Variants in KDM4C observed in about 807,000 individuals in gnomAD.
KDM4C encodes lysine-specific demethylase 4C.
In KDM4C, 81 loss-of-function variants were observed where a neutral mutation model predicts 129.3. The observed-to-expected ratio is 0.63, with a 90% CI of 0.52 to 0.75. The LOEUF (loss-of-function observed/expected upper bound fraction) is 0.75. Among genes scored for constraint, KDM4C ranks in the 30% least tolerant of loss-of-function variants. The probability of loss-of-function intolerance (pLI) is 0.00; values close to 1 mark genes in which losing one functional copy is unlikely to be tolerated. For synonymous variants in KDM4C, 573 were observed against 456.1 expected (o/e 1.26, Z -3.26); for missense variants, 1,457 against 1,304.0 (o/e 1.12, Z -1.81).
chr9:6,816,270 G>A (rs1401199085), intron 4 of KDM4C, among the ~76,000 whole-genome samples: 2 of 152,102 alleles, frequency 1.3e-5, no homozygotes, highest in Admixed American at 1.3e-4. Flanking sequence ...AAACAAGCTA[G>A]AAAGTGCATA....
chr9:6,835,930 G>T (rs1368874133), intron 4 of KDM4C, among the ~76,000 whole-genome samples: 3 of 152,158 alleles, frequency 2.0e-5, no homozygotes, highest in Admixed American at 2.0e-4. Flanking sequence ...GTCCTCCTCC[G>T]AGTCCACATA....
At chr9:6,967,763 A>C (rs1033611663) in intron 8 of KDM4C, among the ~76,000 whole-genome samples, 4 of 152,218 alleles carry the variant, frequency 2.6e-5, no homozygotes, top group African/African-American at 9.6e-5. Flanking sequence ...AGTTCAGAAG[A>C]TCCGGGATGA....
chr9:6,866,160 C>T (rs935432157), intron 5 of KDM4C, among the ~76,000 whole-genome samples: 9 of 151,872 alleles, frequency 5.9e-5, no homozygotes, highest in South Asian at 2.1e-4. Flanking sequence ...GCTGGGACTA[C>T]AGGCATGAGC....
At chr9:7,014,929 C>CACAT (rs1823380400) in intron 14 of KDM4C, among the ~76,000 whole-genome samples, 1 of 150,440 alleles carries the variant, frequency 6.6e-6, no homozygotes, top group South Asian at 2.1e-4. Context: ...CACACACACA[C>CACAT]ACACACACAC....
intron 12 of KDM4C, among the ~76,000 whole-genome samples, chr9:6,995,974 G>T (rs1480889658): frequency 6.6e-6 from 1 of 152,090 alleles, no homozygotes; most frequent in Non-Finnish European, 1.5e-5. Flanking sequence ...GGCCCTGCAG[G>T]TTTTAAGTTT....
chr9:7,041,904 G>T (rs1192948858), intron 15 of KDM4C, among the ~76,000 whole-genome samples: 1 of 151,990 alleles, frequency 6.6e-6, no homozygotes, highest in Non-Finnish European at 1.5e-5. Context: ...GACCACAGTT[G>T]CCTGGACTTT....
intron 17 of KDM4C, among the ~76,000 whole-genome samples, chr9:7,086,157 C>G: frequency 6.6e-6 from 1 of 151,440 alleles, no homozygotes; most frequent in East Asian, 1.9e-4. Context: ...GACCCCGTCT[C>G]AAAAAAAACA....
At chr9:6,835,781 T>C (rs1299755254) in intron 4 of KDM4C, among the ~76,000 whole-genome samples, 2 of 152,168 alleles carry the variant, frequency 1.3e-5, no homozygotes, top group African/African-American at 2.4e-5. Flanking sequence ...ATTTCTGCAG[T>C]GTGGCTGAGG....
intron 17 of KDM4C, among the ~76,000 whole-genome samples, chr9:7,096,648 G>A (rs763235703): frequency 2.0e-5 from 3 of 152,162 alleles, no homozygotes; most frequent in African/African-American, 4.8e-5. Flanking sequence ...CACTTAGCTC[G>A]TATACTGTGA....
intron 17 of KDM4C, among the ~76,000 whole-genome samples, chr9:7,052,715 A>G (rs1830313192): frequency 6.6e-6 from 1 of 152,134 alleles, no homozygotes; most frequent in Non-Finnish European, 1.5e-5. Flanking sequence ...ATTGAAAATG[A>G]GTGGACAAGT....
At chr9:6,921,771 C>G (rs1376351822) in intron 8 of KDM4C, among the ~76,000 whole-genome samples, 1 of 152,046 alleles carries the variant, frequency 6.6e-6, no homozygotes, top group African/African-American at 2.4e-5. Context: ...GCTACGTGAT[C>G]ACTCCCTGCC....
chr9:6,751,557 T>G (rs1017489758), intron 1 of KDM4C, among the ~76,000 whole-genome samples: 1 of 152,204 alleles, frequency 6.6e-6, no homozygotes, highest in Non-Finnish European at 1.5e-5. Flanking sequence ...GGGAAGATCT[T>G]GTGGCTACAT....
chr9:7,091,774 C>T (rs1180949830), intron 17 of KDM4C, among the ~76,000 whole-genome samples: 1 of 152,124 alleles, frequency 6.6e-6, no homozygotes, highest in Non-Finnish European at 1.5e-5. Flanking sequence ...ACGAGCACAT[C>T]AGCCTGCGAC....
At chr9:6,742,184 G>A (rs1307788136) in intron 1 of KDM4C, among the ~76,000 whole-genome samples, 1 of 149,222 alleles carries the variant, frequency 6.7e-6, no homozygotes. Flanking sequence ...TGTTAGTCAG[G>A]CTGGTCTTTT....
chr9:7,149,193 G>T (rs903264701), intron 19 of KDM4C, among the ~76,000 whole-genome samples: 1 of 152,264 alleles, frequency 6.6e-6, no homozygotes, highest in Non-Finnish European at 1.5e-5. Flanking sequence ...GTTTCTGGAG[G>T]TGCTGAGACA....
At chr9:6,981,186 A>T in intron 9 of KDM4C, 68 bp downstream of exon 9, 3 of 1,272,212 alleles carry the variant, frequency 2.4e-6, no homozygotes, top group East Asian at 2.5e-5. Flanking sequence ...GGGTCATTGG[A>T]TGTGGCAATT....
intron 8 of KDM4C, among the ~76,000 whole-genome samples, chr9:6,923,448 A>G (rs534896990): frequency 8.5e-5 from 13 of 152,316 alleles, no homozygotes; most frequent in Admixed American, 8.5e-4. Context: ...TAAGATTAAT[A>G]TGAATGTGCA....
At chr9:6,757,052 C>T (rs1465426430), upstream of KDM4C, among the ~76,000 whole-genome samples, 1 of 152,142 alleles carries the variant, frequency 6.6e-6, no homozygotes, top group East Asian at 1.9e-4. Context: ...AAAAAAAAAT[C>T]ATTCAGCTTT....
chr9:6,972,936 T>C (rs934310560), intron 8 of KDM4C, among the ~76,000 whole-genome samples: 4 of 152,222 alleles, frequency 2.6e-5, no homozygotes, highest in Admixed American at 6.5e-5. Flanking sequence ...GATTCGAGTT[T>C]AATACATCTG....
Sources: allele counts gnomAD v4.1 joint callset (sites outside exome capture counted in the v4.1 genomes callset), GRCh38; gene constraint gnomAD v4.1.1; transcripts MANE v1.5; gene names NCBI Gene and HGNC (gene_info 2026-07-23, HGNC 2026-07-21).